NBPF3: variants seen among roughly 807,000 people sequenced by gnomAD.
The protein encoded by NBPF3 is NBPF family member NBPF3.
Under a neutral mutation model 78.1 loss-of-function variants are expected in NBPF3, and 57 were observed. That is an observed-to-expected ratio of 0.73 (90% CI 0.59 to 0.91). The LOEUF (loss-of-function observed/expected upper bound fraction) is 0.91, where lower values mean the gene tolerates loss of function less well. Ranked by LOEUF, NBPF3 falls within the 40% of genes least tolerant of loss-of-function variation. NBPF3 has a pLI of 0.00. For missense variants in NBPF3, 510 were observed against 715.3 expected, an observed-to-expected ratio of 0.71 and a Z score of 3.27; for synonymous variants, 182 against 271.7, an observed-to-expected ratio of 0.67 and a Z score of 3.25.
intron 2 of NBPF3, among the ~76,000 whole-genome samples, chr1:21,448,346 A>G (rs1324531512): frequency 3.4e-5 from 5 of 148,958 alleles, no homozygotes; most frequent in South Asian, 4.2e-4. Context: ...TTTTTTTTGC[A>G]TGTGTTTGTC....
Position 21,472,961 on chromosome 1 carries a change from A to G in NBPF3, c.734+46A>G, listed in dbSNP as rs762799288. 9.8e-6 allele frequency: 14 copies of G among 1,425,360 alleles called. No homozygotes were observed. The East Asian group carries it at 3.2e-4, about 32-fold the overall frequency. The allele number at this position is 1,425,360 out of a possible 1,614,324, so 88.3% of individuals were successfully genotyped here. A position where few individuals can be genotyped will look rare whatever the true frequency, so the allele number is the denominator to read the frequency against. On this transcript the variant is annotated intron_variant, in intron 6 of 14. Transcript: ENST00000318249. ...GCAAGTAATGGGTGGTAACATATGA[A>G]AAAGGTCTAGGAGGCACACCCTCTC... is the stretch of plus-strand genomic sequence containing the variant.
intron 2 of NBPF3, among the ~76,000 whole-genome samples, chr1:21,455,535 A>G (rs1311814768): frequency 1.3e-5 from 2 of 152,250 alleles, no homozygotes; most frequent in South Asian, 2.1e-4. Flanking sequence ...CAGGCAGTAC[A>G]ACAGAAAACT....
intron 7 of NBPF3, among the ~76,000 whole-genome samples, chr1:21,474,311 C>T (rs1642774316): frequency 6.6e-6 from 1 of 151,228 alleles, no homozygotes; most frequent in South Asian, 2.1e-4. Flanking sequence ...TCAAGTGATT[C>T]TCCTGCCTCA....
chr1:21,474,165 T>C (rs1264842840), intron 7 of NBPF3, among the ~76,000 whole-genome samples: 1 of 152,120 alleles, frequency 6.6e-6, no homozygotes, highest in Non-Finnish European at 1.5e-5. Context: ...TTTTGTAGCA[T>C]CATAGATTCT....
intron 2 of NBPF3, among the ~76,000 whole-genome samples, chr1:21,448,027 G>A (rs113934925): frequency 0.11 from 17,344 of 151,464 alleles, 1,347 homozygotes; most frequent in South Asian, 0.32. Flanking sequence ...CATATATTTT[G>A]GACAGCAGTT....
At position 21,468,914 on chromosome 1, in the gene NBPF3, C is replaced by T. The variant is rs1471976364; in HGVS notation, c.343+17C>T. Reference sequence around the variant, plus strand: ...ATAATTACGGTAAGTTCTATAGGCTCACCATCACAAAAGCGATGAATGATG... The same window carrying T: ...ATAATTACGGTAAGTTCTATAGGCTTACCATCACAAAAGCGATGAATGATG... On this transcript the variant is annotated intron_variant, in intron 3 of 14. Coordinates refer to ENST00000318249, the MANE Select transcript of NBPF3 (RefSeq NM_032264.6). 3.2e-6 allele frequency: 5 copies of T among 1,575,480 alleles called. No homozygotes were observed. The highest frequency in any genetic ancestry group is 3.4e-5 in the Admixed American group (2 of 59,502).
chr1:21,474,627 G>T (rs1459935438), intron 7 of NBPF3, among the ~76,000 whole-genome samples: 5 of 152,128 alleles, frequency 3.3e-5, no homozygotes, highest in Non-Finnish European at 5.9e-5. Flanking sequence ...TGGCGACTTT[G>T]GGGGGAAAAT....
chr1:21,469,084 A>G (rs1458969917), intron 3 of NBPF3, among the ~76,000 whole-genome samples, 187 bp downstream of exon 3: 1 of 152,048 alleles, frequency 6.6e-6, no homozygotes, highest in Non-Finnish European at 1.5e-5. Context: ...GCAACTTTCC[A>G]TGTTTGCAGT....
At chr1:21,470,880 C>G in intron 4 of NBPF3, 146 bp downstream of exon 4, 1 of 547,256 alleles carries the variant, frequency 1.8e-6, no homozygotes, top group East Asian at 3.3e-5. Flanking sequence ...AAAGATTTAT[C>G]AAGCAGAGAA....
intron 12 of NBPF3, among the ~76,000 whole-genome samples, chr1:21,481,370 C>T (rs921740164): frequency 1.1e-4 from 11 of 97,204 alleles, no homozygotes; most frequent in African/African-American, 2.6e-4. Context: ...AGTGAGCGCT[C>T]ACTCTCTCTC....
chr1:21,473,466 G>T lies in NBPF3; in HGVS notation c.821G>T (p.Cys274Phe), dbSNP rs752765705. 2.5e-6 allele frequency: 4 copies of T among 1,614,060 alleles called. No homozygotes were observed. The highest frequency in any genetic ancestry group is 3.4e-6 in the Non-Finnish European group (4 of 1,180,058). Reference sequence around the variant, plus strand: ...ACTTGTTCAAATAGCCACCACCCTTGTGAGTCCAACCAGCCTTACGGGAAC... The same window carrying T: ...ACTTGTTCAAATAGCCACCACCCTTTTGAGTCCAACCAGCCTTACGGGAAC... ...AITCSNSHHP[C>F]ESNQPYGNTR... Residue 274 changes from cysteine to phenylalanine, a missense_variant, in exon 7 of 15, where the codon TGT becomes TTT. Cys to Phe is a radical substitution (Grantham distance 205). This residue lies in a region of NBPF3 where 440 missense variants were observed against 478.2 expected (regional missense o/e 0.92). Transcript: ENST00000318249.
intron 4 of NBPF3, 67 bp from the exon 5 acceptor site, chr1:21,471,502 T>C: frequency 6.2e-7 from 1 of 1,608,684 alleles, no homozygotes; most frequent in Middle Eastern, 2.3e-4. Flanking sequence ...AAATCTGTGT[T>C]GCAAAATATT....
intron 2 of NBPF3, chr1:21,454,264 T>C (rs1172133677): frequency 6.6e-6 from 1 of 152,250 alleles, no homozygotes; most frequent in Non-Finnish European, 1.5e-5. Context: ...TCCTGCACAT[T>C]AACTGATTTA....
chr1:21,451,257 C>T (rs1260717816), intron 2 of NBPF3, among the ~76,000 whole-genome samples: 4 of 152,072 alleles, frequency 2.6e-5, no homozygotes, highest in South Asian at 2.1e-4. Context: ...TCCAGTTTTT[C>T]ATATTATGAA....
intron 2 of NBPF3, chr1:21,467,199 G>A (rs376998424): frequency 2.0e-6 from 2 of 985,454 alleles, no homozygotes; most frequent in South Asian, 4.7e-5. Context: ...GGAGGACAGC[G>A]TGGAGTGCAG....
At chr1:21,450,216 C>G (rs1007152664) in intron 2 of NBPF3, among the ~76,000 whole-genome samples, 7 of 152,162 alleles carry the variant, frequency 4.6e-5, no homozygotes, top group Non-Finnish European at 7.3e-5. Context: ...GAAAGAGTTC[C>G]TATTCTTGTT....
intron 1 of NBPF3, among the ~76,000 whole-genome samples, chr1:21,443,168 A>G (rs986201625): frequency 6.6e-6 from 1 of 152,242 alleles, no homozygotes; most frequent in African/African-American, 2.4e-5. Flanking sequence ...TACAAAAGAT[A>G]AAAATAATAA....
At chr1:21,452,968 C>A (rs1251081826) in intron 2 of NBPF3, among the ~76,000 whole-genome samples, 1 of 152,174 alleles carries the variant, frequency 6.6e-6, no homozygotes, top group Non-Finnish European at 1.5e-5. Flanking sequence ...GTGCTTTATG[C>A]TGAGCTTTTT....
At chr1:21,472,766 C>A in intron 5 of NBPF3, 77 bp from the exon 6 acceptor site, 2 of 998,990 alleles carry the variant, frequency 2.0e-6, no homozygotes, top group Non-Finnish European at 3.2e-6. Context: ...ATGTTCATGT[C>A]TGTGTGCACA....
Sources: allele counts gnomAD v4.1 joint callset (sites outside exome capture counted in the v4.1 genomes callset), GRCh38; gene constraint gnomAD v4.1.1; regional missense constraint gnomAD v4.1.1; transcripts MANE v1.5; gene names NCBI Gene and HGNC (gene_info 2026-07-23, HGNC 2026-07-21).